Variants in SDK1 observed in about 807,000 individuals in gnomAD.
SDK1 encodes protein sidekick-1.
A neutral mutation model predicts 245.5 loss-of-function variants in SDK1; 157 were observed. The observed-to-expected ratio is 0.64, with a 90% CI of 0.56 to 0.73. SDK1 has a LOEUF of 0.73. Among genes scored for constraint, SDK1 ranks in the 30% least tolerant of loss-of-function variants. SDK1 has a pLI of 0.00. For missense variants in SDK1, 3,583 were observed against 3,002.3 expected (o/e 1.19, Z -4.52); for synonymous variants, 1,647 against 1,278.5 (o/e 1.29, Z -6.15).
intron 5 of SDK1, among the ~76,000 whole-genome samples, chr7:3,920,756 G>A (rs534287434): frequency 7.4e-6 from 1 of 136,018 alleles, no homozygotes; most frequent in African/African-American, 3.8e-5. Flanking sequence ...CTATGCAGAG[G>A]GGGAGCAGTG....
At chr7:3,747,281 A>G (rs897629750) in intron 4 of SDK1, among the ~76,000 whole-genome samples, 4 of 152,262 alleles carry the variant, frequency 2.6e-5, no homozygotes, top group Non-Finnish European at 4.4e-5. Flanking sequence ...TTTAGTTTCT[A>G]CTACCCAATA....
At chr7:4,171,890 G>A (rs560177332) in intron 32 of SDK1, among the ~76,000 whole-genome samples, 197 of 152,318 alleles carry the variant, frequency 1.3e-3, no homozygotes, top group African/African-American at 4.5e-3. Context: ...GGGCTGTGGG[G>A]CATTGACAAG....
At chr7:3,582,843 C>T (rs940922136) in intron 1 of SDK1, among the ~76,000 whole-genome samples, 6 of 152,168 alleles carry the variant, frequency 3.9e-5, no homozygotes, top group Non-Finnish European at 1.5e-5. Flanking sequence ...CCCCTACCTG[C>T]TGTTTTCCAA....
At chr7:3,753,208 C>G (rs1171397614) in intron 4 of SDK1, among the ~76,000 whole-genome samples, 1 of 152,068 alleles carries the variant, frequency 6.6e-6, no homozygotes, top group Admixed American at 6.6e-5. Context: ...TGTTTTTCAA[C>G]CTGAATGTAT....
intron 1 of SDK1, among the ~76,000 whole-genome samples, chr7:3,513,826 C>T (rs887429255): frequency 2.6e-5 from 4 of 152,106 alleles, no homozygotes; most frequent in Admixed American, 2.6e-4. Flanking sequence ...TTGTTCACAT[C>T]TTTATATCCA....
chr7:3,869,466 A>G (rs991609375), intron 5 of SDK1, among the ~76,000 whole-genome samples: 2 of 151,926 alleles, frequency 1.3e-5, no homozygotes, highest in Non-Finnish European at 2.9e-5. Context: ...TGTATTTTTC[A>G]TTCCTCTAAG....
intron 1 of SDK1, among the ~76,000 whole-genome samples, chr7:3,486,686 A>G (rs534105165): frequency 1.3e-5 from 2 of 152,104 alleles, no homozygotes; most frequent in Non-Finnish European, 2.9e-5. Context: ...TTAAATTTCA[A>G]TAGGTAGATA....
intron 4 of SDK1, among the ~76,000 whole-genome samples, chr7:3,774,214 CAAAA>C (rs35211488): frequency 2.8e-5 from 2 of 70,346 alleles, no homozygotes; most frequent in Non-Finnish European, 2.9e-5. Context: ...GACTCCATCT[CAAAA>C]AAAAAAAAAA....
chr7:3,480,372 T>A (rs1315042479), intron 1 of SDK1, among the ~76,000 whole-genome samples: 1 of 151,830 alleles, frequency 6.6e-6, no homozygotes, highest in Non-Finnish European at 1.5e-5. Flanking sequence ...TAGGAACTAC[T>A]GGAAGAACTT....
intron 1 of SDK1, among the ~76,000 whole-genome samples, chr7:3,535,228 A>G (rs1778843556): frequency 6.6e-6 from 1 of 152,206 alleles, no homozygotes; most frequent in African/African-American, 2.4e-5. Flanking sequence ...GTGAGCCAAG[A>G]TCACATCATT....
At chr7:3,406,284 T>TAA (rs1270915044) in intron 1 of SDK1, among the ~76,000 whole-genome samples, 2 of 152,226 alleles carry the variant, frequency 1.3e-5, no homozygotes, top group African/African-American at 4.8e-5. Flanking sequence ...CTCTTGGCTT[T>TAA]AAAAACCGTC....
At chr7:3,722,458 G>A (rs980014165) in intron 4 of SDK1, among the ~76,000 whole-genome samples, 1 of 152,146 alleles carries the variant, frequency 6.6e-6, no homozygotes, top group Non-Finnish European at 1.5e-5. Flanking sequence ...TTGCAGGGCT[G>A]CGGCACTCAC....
intron 1 of SDK1, among the ~76,000 whole-genome samples, chr7:3,544,474 C>G (rs1235375569): frequency 6.6e-6 from 1 of 152,194 alleles, no homozygotes; most frequent in Admixed American, 6.5e-5. Flanking sequence ...CGAAGTCTTT[C>G]CCAGTCACTT....
intron 1 of SDK1, among the ~76,000 whole-genome samples, chr7:3,587,784 C>G (rs1562584141): frequency 6.6e-6 from 1 of 152,232 alleles, no homozygotes; most frequent in Non-Finnish European, 1.5e-5. Flanking sequence ...TTGGCCTTTC[C>G]TGAGTGTTAT....
chr7:4,237,555 C>T (rs954967655), intron 41 of SDK1, 92 bp from the exon 42 acceptor site: 17 of 1,478,018 alleles, frequency 1.2e-5, no homozygotes, highest in Non-Finnish European at 1.1e-5. Flanking sequence ...GTTATCTACC[C>T]CAGCCTTCCC....
intron 1 of SDK1, among the ~76,000 whole-genome samples, chr7:3,601,232 G>A (rs112897869): frequency 9.2e-5 from 14 of 152,256 alleles, no homozygotes; most frequent in African/African-American, 3.1e-4. Context: ...TAGTCTTCAA[G>A]AAATGAATTG....
chr7:3,327,537 G>A (rs78765823), intron 1 of SDK1, among the ~76,000 whole-genome samples: 2,132 of 152,100 alleles, frequency 0.014, 55 homozygotes, highest in African/African-American at 0.048. Flanking sequence ...CAGGGATTTA[G>A]CGTTGAGATT....
intron 4 of SDK1, among the ~76,000 whole-genome samples, chr7:3,788,521 T>G (rs1029241143): frequency 6.6e-6 from 1 of 152,334 alleles, no homozygotes; most frequent in South Asian, 2.1e-4. Flanking sequence ...ATTAGAATTC[T>G]GCATGCTGTG....
Position 4,178,467 on chromosome 7 carries a change from T to C in SDK1, c.4997-18T>C. 6.3e-7 allele frequency: 1 copy of C among 1,581,562 alleles called. No individual in the cohort carries two copies. The highest frequency in any genetic ancestry group is 1.7e-5 in the Admixed American group (1 of 59,952). On this transcript the variant is annotated intron_variant, in intron 34 of 44. Transcript: ENST00000404826. Reference sequence around the variant, plus strand: ...TGGTCCTGGTGGAAGCTGATCCATATTTCCTTCAACCCTGCAGATTTAAAG... The same window carrying C: ...TGGTCCTGGTGGAAGCTGATCCATACTTCCTTCAACCCTGCAGATTTAAAG...
Sources: allele counts gnomAD v4.1 joint callset (sites outside exome capture counted in the v4.1 genomes callset), GRCh38; gene constraint gnomAD v4.1.1; transcripts MANE v1.5; gene names NCBI Gene and HGNC (gene_info 2026-07-23, HGNC 2026-07-21).